CTXND1: variants seen among roughly 807,000 people sequenced by gnomAD.
The protein encoded by CTXND1 is cortexin domain-containing 1 protein.
intron 1 of CTXND1, among the ~76,000 whole-genome samples, chr15:80,218,993 G>A (rs563280161): frequency 1.6e-3 from 229 of 145,388 alleles, no homozygotes; most frequent in African/African-American, 5.6e-3. Context: ...GTGCAGTGGT[G>A]TCATCATAGC....
chr15:80,231,765 G>A (rs181118066), intron 1 of CTXND1, among the ~76,000 whole-genome samples: 18 of 152,224 alleles, frequency 1.2e-4, no homozygotes, highest in African/African-American at 4.3e-4. Context: ...ATGAGAAAGA[G>A]AAAAGCATAT....
At chr15:80,206,941 G>T (rs1893153159) in intron 1 of CTXND1, among the ~76,000 whole-genome samples, 1 of 152,182 alleles carries the variant, frequency 6.6e-6, no homozygotes, top group African/African-American at 2.4e-5. Flanking sequence ...GCTGTAGATT[G>T]TTGTCTACCA....
At chr15:80,206,224 C>G (rs757399426) in intron 1 of CTXND1, among the ~76,000 whole-genome samples, 1 of 152,150 alleles carries the variant, frequency 6.6e-6, no homozygotes, top group Non-Finnish European at 1.5e-5. Context: ...AACTAGAATT[C>G]AATATTTGTT....
At chr15:80,223,420 G>T (rs552397303) in intron 1 of CTXND1, among the ~76,000 whole-genome samples, 2 of 152,244 alleles carry the variant, frequency 1.3e-5, no homozygotes, top group South Asian at 4.1e-4. Context: ...GTATTCCATT[G>T]TATGAAATGC....
At chr15:80,210,022 T>C (rs753973521) in intron 1 of CTXND1, among the ~76,000 whole-genome samples, 5 of 152,252 alleles carry the variant, frequency 3.3e-5, no homozygotes, top group Non-Finnish European at 7.3e-5. Context: ...TAAAAAGTTA[T>C]AGAAGATTAG....
chr15:80,227,303 T>C (rs1169490380), intron 1 of CTXND1, among the ~76,000 whole-genome samples: 2 of 152,218 alleles, frequency 1.3e-5, no homozygotes, highest in Non-Finnish European at 2.9e-5. Flanking sequence ...GAAGGTAACT[T>C]ACTAACTAAT....
chr15:80,222,098 A>C (rs138008786), intron 1 of CTXND1, among the ~76,000 whole-genome samples: 1 of 152,300 alleles, frequency 6.6e-6, no homozygotes, highest in East Asian at 1.9e-4. Flanking sequence ...AGATATATTC[A>C]TTAAATCAAG....
intron 2 of CTXND1, among the ~76,000 whole-genome samples, chr15:80,202,921 C>A (rs969738372): frequency 6.6e-6 from 1 of 152,226 alleles, no homozygotes; most frequent in South Asian, 2.1e-4. Flanking sequence ...AGGACTCCAG[C>A]GGTAGTGCCT....
In CTXND1 at chr15:80,205,670, C is replaced by T. The variant is rs146376973; in HGVS notation, c.-217-1930G>A. Among the ~76,000 whole-genome samples the T allele has an allele frequency of 3.6e-3, 550 of 152,294 alleles. 3 individuals are homozygous for T. Among genetic ancestry groups the T allele is most frequent in the African/African-American group, 0.013 (537 of 41,562 alleles). On this transcript the variant is annotated intron_variant, in intron 1 of 2. Transcript: ENST00000560778. ...ATCCCGGCATCCAGACAACGAGACA[C>T]CAGACCCCTCGTTCATCTTTCTTAC...
rs1329865061 is a variant in CTXND1, at chr15:80,199,032, T to G, written c.*2738A>C. 2.0e-5 allele frequency: 3 copies of G among 152,212 alleles called. No individual in the cohort carries two copies. The highest frequency in any genetic ancestry group is 1.5e-5 in the Non-Finnish European group (1 of 68,020). The allele number at this position is 152,212 out of a possible 1,614,324, so 9.4% of individuals were successfully genotyped here. ...TAGAAGGGAATATATGGACACAAAA[T>G]GAAAATTGCTGTTTTTTGGAGGCTT... On this transcript the variant is annotated 3_prime_UTR_variant, in exon 3 of 3. Coordinates refer to ENST00000560778, the MANE Select transcript of CTXND1 (RefSeq NM_001352888.2).
chr15:80,223,114 T>C (rs1006733058), intron 1 of CTXND1, among the ~76,000 whole-genome samples: 1 of 152,242 alleles, frequency 6.6e-6, no homozygotes, highest in African/African-American at 2.4e-5. Context: ...GTTTTGCTCT[T>C]GTTGCCCAGG....
intron 1 of CTXND1, among the ~76,000 whole-genome samples, chr15:80,207,465 C>A (rs990936354): frequency 8.5e-5 from 13 of 152,186 alleles, no homozygotes; most frequent in African/African-American, 3.1e-4. Flanking sequence ...CAATTTCCAG[C>A]CCTCCAGTGC....
rs563996847 is a variant in CTXND1 at position 80,221,441 on chromosome 15, G to A, written c.-217-17701C>T. ...TTATAAAAATGATTTGTTTGGACTCGACATGGTGGCACGTGCCTTAAATCT... is the reference window on the plus strand; with the variant it reads ...TTATAAAAATGATTTGTTTGGACTCAACATGGTGGCACGTGCCTTAAATCT... On this transcript the variant is annotated intron_variant, in intron 1 of 2. Transcript: ENST00000560778. Among the ~76,000 whole-genome samples, 6 of 152,124 alleles carry A rather than the reference G, an allele frequency of 3.9e-5. No individual in the cohort carries two copies. The East Asian group carries it at 1.2e-3, about 29-fold the overall frequency.
At chr15:80,238,261 G>A in intron 1 of CTXND1, among the ~76,000 whole-genome samples, 1 of 152,034 alleles carries the variant, frequency 6.6e-6, no homozygotes, top group Non-Finnish European at 1.5e-5. Flanking sequence ...GTCCTGCACA[G>A]GTGTACCACT....
At position 80,197,705 on chromosome 15, in the gene CTXND1, C is replaced by T. The variant is rs1361025537; in HGVS notation, c.*4065G>A. The T allele has an allele frequency of 6.6e-6, 1 of 152,306 alleles. No individual in the cohort carries two copies. The highest frequency in any genetic ancestry group is 2.4e-5 in the African/African-American group (1 of 41,448). The allele number at this position is 152,306 out of a possible 1,614,324, so 9.4% of individuals were successfully genotyped here. A position where few individuals can be genotyped will look rare whatever the true frequency, so the allele number is the denominator to read the frequency against. On this transcript the variant is annotated 3_prime_UTR_variant, in exon 3 of 3. Transcript: ENST00000560778. ...CCTCTCCACAGGCTGGGCCACAGGA[C>T]ATTGTGGGTGGTCATTGATCATGCC... is the stretch of plus-strand genomic sequence containing the variant.
chr15:80,218,383 T>C (rs1893275986), intron 1 of CTXND1, among the ~76,000 whole-genome samples: 1 of 152,072 alleles, frequency 6.6e-6, no homozygotes, highest in Non-Finnish European at 1.5e-5. Flanking sequence ...CAAGCAGTCT[T>C]CCCACCTGGC....
chr15:80,202,926 G>GT (rs1238553871), intron 2 of CTXND1, among the ~76,000 whole-genome samples: 1 of 152,210 alleles, frequency 6.6e-6, no homozygotes, highest in Non-Finnish European at 1.5e-5. Context: ...TCCAGCGGTA[G>GT]TGCCTACACT....
intron 1 of CTXND1, among the ~76,000 whole-genome samples, chr15:80,226,413 C>T (rs1893372082): frequency 6.6e-6 from 1 of 152,130 alleles, no homozygotes; most frequent in Admixed American, 6.5e-5. Flanking sequence ...TTTTGTAACT[C>T]CCACTCAGTA....
At chr15:80,214,802 CA>C (rs1272389771) in intron 1 of CTXND1, among the ~76,000 whole-genome samples, 6 of 152,208 alleles carry the variant, frequency 3.9e-5, no homozygotes, top group Non-Finnish European at 8.8e-5. Context: ...TCACAAAACA[CA>C]AAATCAACAC....
Sources: gnomAD v4.1 joint callset for allele counts (sites outside exome capture counted in the v4.1 genomes callset) on GRCh38, gnomAD v4.1.1 for gene constraint, MANE v1.5 for transcripts, NCBI Gene and HGNC (gene_info 2026-07-23, HGNC 2026-07-21) for gene names.